The following SKA2 variants were observed in gnomAD, a reference collection of about 807,000 sequenced individuals.
The protein encoded by SKA2 is spindle and kinetochore-associated protein 2.
A neutral mutation model predicts 16.9 loss-of-function variants in SKA2; 13 were observed. The observed-to-expected ratio is 0.77, with a 90% CI of 0.50 to 1.22. The LOEUF (loss-of-function observed/expected upper bound fraction) is 1.22, where lower values mean the gene tolerates loss of function less well. Ranked by LOEUF, SKA2 falls within the 50% of genes most tolerant of loss-of-function variation. SKA2 has a pLI of 0.00. For synonymous variants in SKA2, 47 were observed against 48.5 expected, an observed-to-expected ratio of 0.97 and a Z score of 0.13; for missense variants, 107 against 139.7, an observed-to-expected ratio of 0.77 and a Z score of 1.18.
In SKA2 at chr17:59,110,548, T is replaced by A. The variant is rs1468225173; in HGVS notation, c.*1729A>T. On this transcript the variant is annotated 3_prime_UTR_variant, in exon 4 of 4. Transcript: ENST00000330137. ...TAGCTCATGCCTGTAATCCCAGCAC[T>A]TTGGGAGGCCGAGGTGGGTGGATCA... 2 of 151,992 alleles carry A rather than the reference T, an allele frequency of 1.3e-5. No homozygotes were observed. Among genetic ancestry groups the A allele is most frequent in the African/African-American group, 4.8e-5 (2 of 41,352 alleles). 9.4% of individuals were successfully genotyped at this position (151,992 alleles called of 1,614,324 possible).
intron 1 of SKA2, among the ~76,000 whole-genome samples, chr17:59,140,745 G>A (rs1306968323): frequency 6.6e-6 from 1 of 150,990 alleles, no homozygotes; most frequent in Non-Finnish European, 1.5e-5. Context: ...CTAGTAGCTG[G>A]GACTACAGGT....
At chr17:59,121,324 G>T (rs1362814192) in intron 2 of SKA2, among the ~76,000 whole-genome samples, 1 of 151,618 alleles carries the variant, frequency 6.6e-6, no homozygotes, top group Non-Finnish European at 1.5e-5. Flanking sequence ...TACAACACAG[G>T]AATAAAACAA....
intron 2 of SKA2, among the ~76,000 whole-genome samples, chr17:59,129,719 G>A (rs912795567): frequency 1.3e-5 from 2 of 151,876 alleles, no homozygotes; most frequent in Non-Finnish European, 2.9e-5. Flanking sequence ...GCCGAGCATG[G>A]TAGCCTGCGC....
chr17:59,119,994 C>A (rs2046321777), intron 2 of SKA2, among the ~76,000 whole-genome samples: 1 of 151,502 alleles, frequency 6.6e-6, no homozygotes, highest in Admixed American at 6.6e-5. Flanking sequence ...CTGCAAGCTT[C>A]ACCTCCCAGG....
intron 1 of SKA2, among the ~76,000 whole-genome samples, chr17:59,149,375 G>A (rs1190895845): frequency 6.6e-6 from 1 of 152,080 alleles, no homozygotes; most frequent in Non-Finnish European, 1.5e-5. Context: ...CAGGTATGGT[G>A]ATGCACACCT....
At chr17:59,117,727 C>G (rs897837806) in intron 3 of SKA2, among the ~76,000 whole-genome samples, 17 of 152,066 alleles carry the variant, frequency 1.1e-4, no homozygotes, top group African/African-American at 4.1e-4. Context: ...GCCCAGCATA[C>G]TACCTCATTT....
At chr17:59,139,692 T>G (rs1427299228) in intron 1 of SKA2, among the ~76,000 whole-genome samples, 3 of 152,134 alleles carry the variant, frequency 2.0e-5, no homozygotes, top group Admixed American at 6.6e-5. Context: ...AATGTACATT[T>G]AGAAACACCT....
intron 1 of SKA2, among the ~76,000 whole-genome samples, chr17:59,133,012 C>G (rs892214073): frequency 6.6e-6 from 1 of 152,186 alleles, no homozygotes; most frequent in Admixed American, 6.5e-5. Context: ...GGGTCTTGCT[C>G]TATAGCCCAG....
chr17:59,154,298 G>A (rs989643986), intron 1 of SKA2, among the ~76,000 whole-genome samples: 3 of 152,150 alleles, frequency 2.0e-5, no homozygotes, highest in Non-Finnish European at 4.4e-5. Flanking sequence ...AGGATGGGAG[G>A]GAGGGAATAA....
intron 3 of SKA2, among the ~76,000 whole-genome samples, chr17:59,113,862 A>T (rs902197742): frequency 6.6e-6 from 1 of 152,024 alleles, no homozygotes; most frequent in Non-Finnish European, 1.5e-5. Context: ...ATGTATTATC[A>T]TTCCACAATA....
chr17:59,144,564 G>A (rs551668045), intron 1 of SKA2, among the ~76,000 whole-genome samples: 2 of 152,228 alleles, frequency 1.3e-5, no homozygotes, highest in East Asian at 3.9e-4. Context: ...TACGTACAAT[G>A]GAATCTTATT....
intron 1 of SKA2, among the ~76,000 whole-genome samples, chr17:59,134,966 C>T (rs2046434135): frequency 6.6e-6 from 1 of 152,146 alleles, no homozygotes; most frequent in Admixed American, 6.5e-5. Flanking sequence ...TCCCAAGTAG[C>T]TGGGACTACA....
Position 59,131,335 on chromosome 17 carries a change from A to T in SKA2, c.66T>A (p.Ile22=). ...FQKAESDLDY[I]QYRLEYEIKT... Reference sequence around the variant, plus strand: ...TGATTTCATATTCCAGCCTGTATTGAATGTAATCCAGATCAGACTCAGCTT... The same window carrying T: ...TGATTTCATATTCCAGCCTGTATTGTATGTAATCCAGATCAGACTCAGCTT... Residue 22 remains isoleucine (I), a synonymous_variant, in exon 2 of 4, where the codon ATT becomes ATA. Transcript: ENST00000330137. 6.3e-7 allele frequency: 1 copy of T among 1,578,012 alleles called. No individual in the cohort carries two copies. The highest frequency in any genetic ancestry group is 8.6e-7 in the Non-Finnish European group (1 of 1,159,450).
intron 1 of SKA2, among the ~76,000 whole-genome samples, chr17:59,133,024 C>T (rs1009381231): frequency 1.3e-5 from 2 of 152,168 alleles, no homozygotes; most frequent in African/African-American, 4.8e-5. Flanking sequence ...ATAGCCCAGG[C>T]TGAAGTGTTG....
chr17:59,136,498 G>A (rs944477019), intron 1 of SKA2, among the ~76,000 whole-genome samples: 2 of 151,892 alleles, frequency 1.3e-5, no homozygotes, highest in Admixed American at 1.3e-4. Flanking sequence ...GTGGGCTAGG[G>A]AATAAGCAGG....
At chr17:59,147,005 T>TG (rs930888467) in intron 1 of SKA2, among the ~76,000 whole-genome samples, 12 of 151,520 alleles carry the variant, frequency 7.9e-5, no homozygotes, top group Non-Finnish European at 1.3e-4. Context: ...TCTTTTTTTT[T>TG]GGGGGGGACG....
In SKA2 at chr17:59,146,513, A is replaced by C. The variant is rs1436534318; in HGVS notation, c.33+8618T>G. 2.6e-5 allele frequency among the ~76,000 whole-genome samples: 4 copies of C among 152,156 alleles called. 1 individual carries two copies. The highest frequency in any genetic ancestry group is 1.3e-4 in the Admixed American group (2 of 15,272). ...GACTCTGTCTCAAAATAAATAAATAAATAATAAAATGAGAATAAAAATATT... is the reference window on the plus strand; with the variant it reads ...GACTCTGTCTCAAAATAAATAAATACATAATAAAATGAGAATAAAAATATT... On this transcript the variant is annotated intron_variant, in intron 1 of 3. Transcript: ENST00000330137.
intron 1 of SKA2, among the ~76,000 whole-genome samples, chr17:59,149,413 G>T (rs2046559805): frequency 6.6e-6 from 1 of 152,110 alleles, no homozygotes; most frequent in Non-Finnish European, 1.5e-5. Context: ...GCAAGCTGAG[G>T]TGGGATTGCT....
In SKA2 at chr17:59,131,288, G is replaced by C; in HGVS notation, c.113C>G (p.Ala38Gly). ...ATTTATTTCGGAGATTACCTCACTT[G>C]CTGAATCAGGATGATTAGTCTTGAT... Reference protein sequence around the residue: ...YEIKTNHPDSASEKNPVTLLK... With the variant: ...YEIKTNHPDSGSEKNPVTLLK... Residue 38 changes from alanine (A) to glycine (G), a missense_variant, in exon 2 of 4, where the codon GCA becomes GGA. Ala to Gly is a moderately conservative substitution (Grantham distance 60, BLOSUM62 0). Transcript: ENST00000330137. The C allele has an allele frequency of 6.3e-7, 1 of 1,575,228 alleles. No homozygotes were observed. The highest frequency in any genetic ancestry group is 1.2e-5 in the South Asian group (1 of 85,472).
Sources: gnomAD v4.1 joint callset for allele counts (sites outside exome capture counted in the v4.1 genomes callset) on GRCh38, gnomAD v4.1.1 for gene constraint, MANE v1.5 for transcripts, NCBI Gene and HGNC (gene_info 2026-07-23, HGNC 2026-07-21) for gene names.